The following FBXO21 variants were observed in gnomAD, a reference collection of about 807,000 sequenced individuals.
The protein encoded by FBXO21 is F-box protein 21.
In FBXO21, 32 loss-of-function variants were observed where a neutral mutation model predicts 76.6. The ratio of observed to expected loss-of-function variants is 0.42; its 90% CI spans 0.32 to 0.56. The LOEUF is 0.56. FBXO21 is among the 20% of genes least tolerant of loss of function. FBXO21 has a pLI of 0.16. For missense variants in FBXO21, 586 were observed against 797.3 expected (o/e 0.73, Z 3.19); for synonymous variants, 328 against 311.5 (o/e 1.05, Z -0.56).
intron 3 of FBXO21, among the ~76,000 whole-genome samples, chr12:117,177,884 A>G (rs1339860535): frequency 6.6e-6 from 1 of 152,232 alleles, no homozygotes; most frequent in Non-Finnish European, 1.5e-5. Context: ...CTTTCATAAA[A>G]GGAAATGGAA....
chr12:117,167,692 G>T (rs936156101), intron 7 of FBXO21, among the ~76,000 whole-genome samples: 5 of 150,320 alleles, frequency 3.3e-5, no homozygotes, highest in African/African-American at 1.2e-4. Flanking sequence ...AGTTAGCCAA[G>T]ATCACGCTAC....
intron 9 of FBXO21, among the ~76,000 whole-genome samples, chr12:117,164,752 G>A (rs375021622): frequency 1.3e-5 from 2 of 152,320 alleles, no homozygotes; most frequent in East Asian, 3.9e-4. Context: ...GACACAGGGA[G>A]ATGAGTTTAT....
intron 11 of FBXO21, among the ~76,000 whole-genome samples, chr12:117,150,767 G>A (rs1290672842): frequency 6.6e-6 from 1 of 152,172 alleles, no homozygotes; most frequent in East Asian, 1.9e-4. Context: ...GAAAGCCAAA[G>A]CATCCTCTGA....
rs939339085 is a variant in FBXO21 at position 117,175,985 on chromosome 12, C to T, written c.593-1188G>A. 6.6e-5 allele frequency among the ~76,000 whole-genome samples: 10 copies of T among 152,316 alleles called. No homozygotes were observed. In the South Asian group the frequency reaches 1.9e-3, roughly 28 times the overall value. ...AAACAGAAGATAGGATGCTTCTCAA[C>T]TCCAGTATACAAATGAGGGGATTCT... On this transcript the variant is annotated intron_variant, in intron 4 of 11. Coordinates refer to ENST00000622495, the MANE Select transcript of FBXO21 (RefSeq NM_015002.3).
intron 9 of FBXO21, 93 bp downstream of exon 9, chr12:117,165,392 A>G: frequency 7.9e-7 from 1 of 1,258,774 alleles, no homozygotes; most frequent in Non-Finnish European, 1.1e-6. Context: ...TTTATTCCCC[A>G]TGTTAACACA....
At chr12:117,162,986 CT>C (rs1956001572) in intron 9 of FBXO21, among the ~76,000 whole-genome samples, 1 of 152,194 alleles carries the variant, frequency 6.6e-6, no homozygotes, top group African/African-American at 2.4e-5. Flanking sequence ...TCAGCACCCC[CT>C]GGCTTCTTCC....
chr12:117,159,928 A>G (rs1168046889), intron 9 of FBXO21, among the ~76,000 whole-genome samples: 2 of 152,220 alleles, frequency 1.3e-5, no homozygotes, highest in Non-Finnish European at 2.9e-5. Context: ...AAATGAAGAC[A>G]TTGTGCCTCG....
At chr12:117,171,533 A>C (rs181771429) in intron 7 of FBXO21, among the ~76,000 whole-genome samples, 2 of 152,240 alleles carry the variant, frequency 1.3e-5, no homozygotes, top group Admixed American at 1.3e-4. Flanking sequence ...TTGCTATGTC[A>C]CATCAGAAAC....
intron 11 of FBXO21, among the ~76,000 whole-genome samples, chr12:117,149,316 G>T (rs1225844475): frequency 6.6e-6 from 1 of 152,140 alleles, no homozygotes; most frequent in East Asian, 1.9e-4. Flanking sequence ...GGATTTTCTT[G>T]CAGAGCTGCA....
chr12:117,164,770 G>A (rs1387677490), intron 9 of FBXO21, among the ~76,000 whole-genome samples: 1 of 152,068 alleles, frequency 6.6e-6, no homozygotes, highest in African/African-American at 2.4e-5. Flanking sequence ...TATGTTGATG[G>A]CCTGTGAGAC....
intron 3 of FBXO21, among the ~76,000 whole-genome samples, chr12:117,184,726 A>G (rs1382729995): frequency 6.6e-6 from 1 of 152,236 alleles, no homozygotes; most frequent in Non-Finnish European, 1.5e-5. Flanking sequence ...AGCCTGGGCT[A>G]CAAGAGCGAA....
rs1955970251 is a variant in FBXO21 at position 117,161,005 on chromosome 12, T to C, written c.1327-2942A>G. 3.3e-5 allele frequency among the ~76,000 whole-genome samples: 5 copies of C among 151,910 alleles called. No individual in the cohort carries two copies. The South Asian group carries it at 1.0e-3, about 32-fold the overall frequency. ...TGGGCCAGGAATTGTGTTGAGAGCG[T>C]GGGGAAGGCGACAGTTAGGAACAAG... On this transcript the variant is annotated intron_variant, in intron 9 of 11. Coordinates refer to ENST00000622495, the MANE Select transcript of FBXO21 (RefSeq NM_015002.3).
intron 7 of FBXO21, among the ~76,000 whole-genome samples, chr12:117,170,806 T>C (rs1956110138): frequency 6.6e-6 from 1 of 152,248 alleles, no homozygotes; most frequent in Admixed American, 6.5e-5. Flanking sequence ...AAATGTTTTA[T>C]AGTGTACAGA....
chr12:117,179,155 C>T (rs1956204727), intron 3 of FBXO21, among the ~76,000 whole-genome samples: 1 of 152,200 alleles, frequency 6.6e-6, no homozygotes, highest in Admixed American at 6.5e-5. Context: ...GTTTCATCTA[C>T]TTTTTAACCT....
At chr12:117,188,569 TC>T (rs1956310239) in intron 2 of FBXO21, among the ~76,000 whole-genome samples, 1 of 145,338 alleles carries the variant, frequency 6.9e-6, no homozygotes, top group South Asian at 2.2e-4. Flanking sequence ...GAAAGAAACT[TC>T]CATGAGACAT....
Position 117,144,271 on chromosome 12 carries a change from T to C in FBXO21, c.*1816A>G, listed in dbSNP as rs570048061. 3 of 152,326 alleles carry C rather than the reference T, an allele frequency of 2.0e-5. No individual in the cohort carries two copies. The East Asian group carries it at 5.8e-4, about 29-fold the overall frequency. 9.4% of individuals were successfully genotyped at this position (152,326 alleles called of 1,614,324 possible). A position where few individuals can be genotyped will look rare whatever the true frequency, so the allele number is the denominator to read the frequency against. ...TAATTAATTCCGTATTATCAAACTTTCCCCTTTAAATGAAAGTAGTGTACA... is the reference window on the plus strand; with the variant it reads ...TAATTAATTCCGTATTATCAAACTTCCCCCTTTAAATGAAAGTAGTGTACA... On this transcript the variant is annotated 3_prime_UTR_variant, in exon 12 of 12. Transcript: ENST00000622495.
chr12:117,160,069 T>C (rs913397168), intron 9 of FBXO21, among the ~76,000 whole-genome samples: 2 of 152,182 alleles, frequency 1.3e-5, no homozygotes, highest in Non-Finnish European at 2.9e-5. Flanking sequence ...TTACCCATGA[T>C]GCATTTCCCT....
intron 3 of FBXO21, among the ~76,000 whole-genome samples, chr12:117,181,859 C>T (rs1241140510): frequency 1.3e-5 from 2 of 152,114 alleles, no homozygotes; most frequent in East Asian, 3.9e-4. Flanking sequence ...CCATGTTGGC[C>T]AGGCTGGTCT....
At chr12:117,164,381 A>G (rs1016003638) in intron 9 of FBXO21, among the ~76,000 whole-genome samples, 2 of 151,372 alleles carry the variant, frequency 1.3e-5, no homozygotes, top group African/African-American at 4.9e-5. Flanking sequence ...GGTTCAAGCA[A>G]TTCTCTTGCC....
Sources: allele counts gnomAD v4.1 joint callset (sites outside exome capture counted in the v4.1 genomes callset), GRCh38; gene constraint gnomAD v4.1.1; transcripts MANE v1.5; gene names NCBI Gene and HGNC (gene_info 2026-07-23, HGNC 2026-07-21).